The following SUSD1 variants were observed in gnomAD, a reference collection of about 807,000 sequenced individuals.
SUSD1 encodes the protein sushi domain-containing protein 1.
Under a neutral mutation model 86.9 loss-of-function variants are expected in SUSD1, and 65 were observed. That is an observed-to-expected ratio of 0.75 (90% confidence interval 0.61 to 0.92). SUSD1 has a LOEUF of 0.92. Among genes scored for constraint, SUSD1 ranks in the 40% least tolerant of loss-of-function variants. SUSD1 has a pLI of 0.00. For missense variants in SUSD1, 850 were observed against 929.7 expected (o/e 0.91, Z 1.11); for synonymous variants, 346 against 350.0 (o/e 0.99, Z 0.13).
At chr9:112,098,844 G>C (rs1421827755) in intron 9 of SUSD1, among the ~76,000 whole-genome samples, 182 bp from the exon 10 acceptor site, 2 of 152,140 alleles carry the variant, frequency 1.3e-5, no homozygotes, top group Non-Finnish European at 2.9e-5. Context: ...TACCTTACCT[G>C]TCCTCACAAT....
At position 112,154,102 on chromosome 9, in the gene SUSD1, G is replaced by A. The variant is rs557751079; in HGVS notation, c.217+3398C>T. Among the ~76,000 whole-genome samples, 48 of 151,944 alleles carry A rather than the reference G, an allele frequency of 3.2e-4. No individual in the cohort carries two copies. The Middle Eastern group carries it at 0.014, about 43-fold the overall frequency. On this transcript the variant is annotated intron_variant, in intron 2 of 16. Transcript: ENST00000374270. ...CTTATGGGCCCACTGTTGTATATTC[G>A]GTCTATCATTAACCAAAACATCGTT...
chr9:112,042,728 A>G (rs941907307), intron 15 of SUSD1, among the ~76,000 whole-genome samples: 29 of 152,194 alleles, frequency 1.9e-4, no homozygotes, highest in African/African-American at 6.5e-4. Context: ...ATATTCACTC[A>G]TTTAGGCTTC....
chr9:112,043,323 G>C (rs1827822886), intron 15 of SUSD1, among the ~76,000 whole-genome samples: 2 of 152,114 alleles, frequency 1.3e-5, no homozygotes, highest in African/African-American at 4.8e-5. Context: ...CCATGGATCG[G>C]CTGGCATCAC....
rs142288874 is a variant in SUSD1, at chr9:112,149,271, T to A, written c.346A>T (p.Ile116Phe). 8.1e-5 allele frequency: 131 copies of A among 1,614,212 alleles called. No homozygotes were observed. The Middle Eastern group carries it at 8.2e-4, about 10-fold the overall frequency. Residue 116 changes from isoleucine (I) to phenylalanine (F), a missense_variant, in exon 3 of 17, where the codon ATT (isoleucine) becomes TTT (phenylalanine). By Grantham distance (21) the Ile-to-Phe change is conservative (BLOSUM62 0). Coordinates refer to ENST00000374270, the MANE Select transcript of SUSD1 (RefSeq NM_022486.5). ...GTACAAAAGGTGCCATCGTTGGGAA[T>A]GAATGTCTTGTTGTTGTTTGTGGCT... ...YRATNNNKTF[I>F]PNDGTFCTDI...
chr9:112,129,111 G>GA (rs541934122), intron 5 of SUSD1, among the ~76,000 whole-genome samples: 50 of 152,278 alleles, frequency 3.3e-4, no homozygotes, highest in African/African-American at 1.2e-3. Context: ...CCAACAGAGA[G>GA]ATGATAGGGT....
intron 7 of SUSD1, among the ~76,000 whole-genome samples, chr9:112,112,362 C>T (rs749092453): frequency 1.2e-3 from 178 of 152,246 alleles, no homozygotes; most frequent in Non-Finnish European, 2.2e-3. Flanking sequence ...AGGCCAGGCG[C>T]GGTGGCTCAT....
chr9:112,103,564 A>T (rs1329517165), intron 8 of SUSD1, among the ~76,000 whole-genome samples: 1 of 152,236 alleles, frequency 6.6e-6, no homozygotes, highest in Non-Finnish European at 1.5e-5. Flanking sequence ...CACGTAAGAT[A>T]GTCATTATCA....
Position 112,098,658 on chromosome 9 carries a change from G to A in SUSD1, c.1286C>T (p.Thr429Ile), listed in dbSNP as rs1830500625. 1.2e-6 allele frequency: 2 copies of A among 1,613,974 alleles called. No individual in the cohort carries two copies. The highest frequency in any genetic ancestry group is 1.3e-5 in the African/African-American group (1 of 74,924). Residue 429 changes from threonine to isoleucine, a missense_variant, in exon 10 of 17, where the codon ACC (threonine) becomes ATC (isoleucine). Thr to Ile is a moderately conservative substitution (Grantham distance 89). Transcript: ENST00000374270. ...CAGATACCACCTCTGACCCAGAACG[G>A]TAAACTGTCATGAGATTAAAAGAAA... Reference protein sequence around the residue: ...KVGSEHMYQFTVLGQRWYLAN... With the variant: ...KVGSEHMYQFIVLGQRWYLAN...
At chr9:112,049,997 A>G (rs967786236) in intron 15 of SUSD1, among the ~76,000 whole-genome samples, 1 of 152,320 alleles carries the variant, frequency 6.6e-6, no homozygotes, top group African/African-American at 2.4e-5. Flanking sequence ...TCTTCTACCC[A>G]GTTTGAATGT....
intron 5 of SUSD1, among the ~76,000 whole-genome samples, chr9:112,127,247 G>A (rs928752660): frequency 6.6e-6 from 1 of 152,068 alleles, no homozygotes; most frequent in Non-Finnish European, 1.5e-5. Flanking sequence ...TGGCACATGC[G>A]CCTGTAATCC....
chr9:112,134,304 G>A (rs1564324962), intron 5 of SUSD1, among the ~76,000 whole-genome samples: 1 of 152,092 alleles, frequency 6.6e-6, no homozygotes, highest in Non-Finnish European at 1.5e-5. Flanking sequence ...CAAAGACATG[G>A]AATCAACCTA....
At chr9:112,049,559 A>G (rs979559274) in intron 15 of SUSD1, among the ~76,000 whole-genome samples, 5 of 152,216 alleles carry the variant, frequency 3.3e-5, no homozygotes, top group South Asian at 2.1e-4. Context: ...CAATATGCAA[A>G]AGGTAAATAG....
At chr9:112,069,349 G>A (rs1037372982) in intron 12 of SUSD1, among the ~76,000 whole-genome samples, 1 of 152,150 alleles carries the variant, frequency 6.6e-6, no homozygotes, top group East Asian at 1.9e-4. Context: ...TAGAGTCTAG[G>A]CCTCACATCA....
At chr9:112,093,808 AG>A (rs1830293850) in intron 10 of SUSD1, among the ~76,000 whole-genome samples, 1 of 152,216 alleles carries the variant, frequency 6.6e-6, no homozygotes, top group African/African-American at 2.4e-5. Context: ...TGGTCTCTGC[AG>A]CTGGAATTCA....
At chr9:112,046,846 A>G (rs1028026899) in intron 15 of SUSD1, among the ~76,000 whole-genome samples, 1 of 152,248 alleles carries the variant, frequency 6.6e-6, no homozygotes, top group African/African-American at 2.4e-5. Flanking sequence ...TTTAAAGATA[A>G]GTTTAAAGAT....
Position 112,142,511 on chromosome 9 carries a change from TTAA to T in SUSD1, c.527-15_527-13del. The stretch of plus-strand genomic sequence containing the variant: ...ACCACAGTCTATTTCTGAAAATAAA[TTAA>T]TGTCAAATTCATTACCTCGTGAATG... On this transcript the variant is annotated splice_polypyrimidine_tract_variant and intron_variant, in intron 4 of 16. Coordinates refer to ENST00000374270, the MANE Select transcript of SUSD1 (RefSeq NM_022486.5). The T allele has an allele frequency of 6.2e-7, 1 of 1,605,748 alleles. No individual in the cohort carries two copies. Among genetic ancestry groups the T allele is most frequent in the South Asian group, 1.1e-5 (1 of 90,016 alleles).
At chr9:112,170,712 G>C (rs3962525) in intron 1 of SUSD1, among the ~76,000 whole-genome samples, 2 of 68,496 alleles carry the variant, frequency 2.9e-5, no homozygotes, top group African/African-American at 1.3e-4. Flanking sequence ...TATATATATA[G>C]AGAGAGAGAG....
At chr9:112,174,716 C>G (rs954970470) in intron 1 of SUSD1, among the ~76,000 whole-genome samples, 1 of 152,154 alleles carries the variant, frequency 6.6e-6, no homozygotes, top group Non-Finnish European at 1.5e-5. Context: ...TGCTTCGGGT[C>G]AAAAATGTGT....
At chr9:112,094,572 T>A (rs1218025593) in intron 10 of SUSD1, among the ~76,000 whole-genome samples, 1 of 152,138 alleles carries the variant, frequency 6.6e-6, no homozygotes, top group Non-Finnish European at 1.5e-5. Context: ...GAAATGAGAT[T>A]TTCCCCATCT....
Sources: allele counts gnomAD v4.1 joint callset (sites outside exome capture counted in the v4.1 genomes callset), GRCh38; gene constraint gnomAD v4.1.1; transcripts MANE v1.5; gene names NCBI Gene and HGNC (gene_info 2026-07-23, HGNC 2026-07-21).